The following EPHB1 variants were observed in gnomAD, a reference collection of about 807,000 sequenced individuals.
EPHB1 encodes the protein ephrin type-B receptor 1.
In EPHB1, 30 loss-of-function variants were observed where a neutral mutation model predicts 94.4. The ratio of observed to expected loss-of-function variants is 0.32; its 90% CI spans 0.24 to 0.43. The LOEUF is 0.43. Ranked by LOEUF, EPHB1 falls within the 20% of genes least tolerant of loss-of-function variation. The probability of loss-of-function intolerance (pLI) is 1.00; values close to 1 mark genes in which losing one functional copy is unlikely to be tolerated. For synonymous variants in EPHB1, 522 were observed against 489.1 expected, an observed-to-expected ratio of 1.07 and a Z score of -0.89; for missense variants, 1,055 against 1,308.3, an observed-to-expected ratio of 0.81 and a Z score of 2.99.
intron 3 of EPHB1, chr3:134,977,979 T>G (rs1934252555): frequency 2.2e-6 from 1 of 456,316 alleles, no homozygotes; most frequent in Non-Finnish European, 4.4e-6. Flanking sequence ...CCAGGCCTTT[T>G]TGGAGGATCC....
At chr3:134,881,850 T>A (rs770180579) in intron 1 of EPHB1, among the ~76,000 whole-genome samples, 2 of 152,172 alleles carry the variant, frequency 1.3e-5, no homozygotes, top group Non-Finnish European at 2.9e-5. Flanking sequence ...AATGTGTGAG[T>A]GACTGCCATG....
At chr3:135,094,626 CT>C (rs1274522029) in intron 3 of EPHB1, among the ~76,000 whole-genome samples, 1 of 152,208 alleles carries the variant, frequency 6.6e-6, no homozygotes, top group African/African-American at 2.4e-5. Context: ...CAGTTTCCCC[CT>C]GTGTAAGGAA....
chr3:134,834,382 T>C (rs1324735295), intron 1 of EPHB1, among the ~76,000 whole-genome samples: 1 of 151,950 alleles, frequency 6.6e-6, no homozygotes. Context: ...ACCTCCAGAG[T>C]TAAGAAAAAT....
At chr3:135,114,569 CA>C (rs1303007064) in intron 4 of EPHB1, among the ~76,000 whole-genome samples, 10 of 62,922 alleles carry the variant, frequency 1.6e-4, no homozygotes, top group Non-Finnish European at 2.9e-4. Context: ...AAAAAAAATA[CA>C]AAAATTAGCC....
At chr3:134,888,327 G>A (rs113153952) in intron 1 of EPHB1, among the ~76,000 whole-genome samples, 4 of 152,302 alleles carry the variant, frequency 2.6e-5, no homozygotes, top group African/African-American at 9.6e-5. Flanking sequence ...ATGAGGGAGG[G>A]GGATTCCTGT....
intron 3 of EPHB1, among the ~76,000 whole-genome samples, chr3:134,990,312 C>G (rs1934750263): frequency 6.6e-6 from 1 of 152,170 alleles, no homozygotes; most frequent in Non-Finnish European, 1.5e-5. Context: ...AACAATTTCA[C>G]CAGGCTATGC....
At chr3:135,207,124 C>T (rs1300813252) in intron 12 of EPHB1, among the ~76,000 whole-genome samples, 5 of 152,156 alleles carry the variant, frequency 3.3e-5, no homozygotes, top group African/African-American at 1.2e-4. Context: ...TACATATACA[C>T]GACATTAAAA....
intron 3 of EPHB1, among the ~76,000 whole-genome samples, chr3:135,103,146 GAAAA>G (rs1939092565): frequency 6.6e-6 from 1 of 150,784 alleles, no homozygotes; most frequent in Non-Finnish European, 1.5e-5. Context: ...GTAAAAAAAA[GAAAA>G]AAGAAAAAAA....
At chr3:135,218,947 T>C (rs960369386) in intron 12 of EPHB1, among the ~76,000 whole-genome samples, 2 of 152,184 alleles carry the variant, frequency 1.3e-5, no homozygotes, top group African/African-American at 4.8e-5. Flanking sequence ...GCCTCCCTCA[T>C]GGGAATGATC....
intron 12 of EPHB1, among the ~76,000 whole-genome samples, chr3:135,205,383 C>T (rs1282418144): frequency 6.6e-6 from 1 of 152,094 alleles, no homozygotes; most frequent in East Asian, 1.9e-4. Flanking sequence ...TTTATCTTTT[C>T]CCCCATCTGT....
rs375745350 is a variant in EPHB1 at position 134,795,620 on chromosome 3, C to T, written c.-12C>T. 2.7e-5 allele frequency: 44 copies of T among 1,603,206 alleles called. No homozygotes were observed. The highest frequency in any genetic ancestry group is 1.7e-4 in the Middle Eastern group (1 of 6,032). Reference sequence around the variant, plus strand: ...CTCGGCTTGGTCTCGGCCTGCGGGCCGTCGGCCGGCGATGGCCCTGGATTA... The same window carrying T: ...CTCGGCTTGGTCTCGGCCTGCGGGCTGTCGGCCGGCGATGGCCCTGGATTA... On this transcript the variant is annotated 5_prime_UTR_variant, in exon 1 of 16. Transcript: ENST00000398015.
chr3:135,135,333 T>C (rs926091535), intron 5 of EPHB1, among the ~76,000 whole-genome samples: 1 of 152,202 alleles, frequency 6.6e-6, no homozygotes, highest in Non-Finnish European at 1.5e-5. Flanking sequence ...ATCGCACTGA[T>C]TTGATGAATC....
chr3:135,004,143 G>C (rs1427261444), intron 3 of EPHB1, among the ~76,000 whole-genome samples: 1 of 151,752 alleles, frequency 6.6e-6, no homozygotes, highest in African/African-American at 2.4e-5. Context: ...AGCTCTTTTA[G>C]GGCAGGCCTG....
chr3:135,203,156 G>A (rs1942802145), intron 12 of EPHB1, among the ~76,000 whole-genome samples: 1 of 152,126 alleles, frequency 6.6e-6, no homozygotes, highest in Non-Finnish European at 1.5e-5. Context: ...CTCATAAGTG[G>A]GAGTCGAACA....
intron 10 of EPHB1, among the ~76,000 whole-genome samples, chr3:135,187,232 A>G (rs1942351891): frequency 6.6e-6 from 1 of 152,232 alleles, no homozygotes; most frequent in African/African-American, 2.4e-5. Context: ...GGCCACATTT[A>G]CTGTCAGTAA....
chr3:135,060,723 A>G (rs1374296223), intron 3 of EPHB1, among the ~76,000 whole-genome samples: 1 of 152,200 alleles, frequency 6.6e-6, no homozygotes, highest in Non-Finnish European at 1.5e-5. Context: ...ACAGTGCATA[A>G]TAAACATACC....
At chr3:134,932,124 A>G (rs1054113559) in intron 2 of EPHB1, among the ~76,000 whole-genome samples, 6 of 152,076 alleles carry the variant, frequency 3.9e-5, no homozygotes, top group Non-Finnish European at 7.4e-5. Flanking sequence ...AACACTTTCA[A>G]TAACGGGAGG....
chr3:135,050,047 A>T (rs946861318), intron 3 of EPHB1, among the ~76,000 whole-genome samples: 1 of 152,136 alleles, frequency 6.6e-6, no homozygotes, highest in Non-Finnish European at 1.5e-5. Flanking sequence ...TTTTATTTGA[A>T]GTTTAAGGTC....
At chr3:135,027,507 T>A (rs1936231273) in intron 3 of EPHB1, among the ~76,000 whole-genome samples, 1 of 149,248 alleles carries the variant, frequency 6.7e-6, no homozygotes, top group African/African-American at 2.5e-5. Context: ...GTTTATATGC[T>A]GGATTACATT....
Sources: allele counts gnomAD v4.1 joint callset (sites outside exome capture counted in the v4.1 genomes callset), GRCh38; gene constraint gnomAD v4.1.1; transcripts MANE v1.5; gene names NCBI Gene and HGNC (gene_info 2026-07-23, HGNC 2026-07-21).